Variants in KCNU1 observed in about 807,000 individuals in gnomAD.
The protein encoded by KCNU1 is potassium channel subfamily U member 1.
KCNU1 carries 93 observed loss-of-function variants against 126.8 expected under a neutral mutation model. The ratio of observed to expected loss-of-function variants is 0.73; its 90% CI spans 0.62 to 0.87. KCNU1 has a LOEUF of 0.87. Ranked by LOEUF, KCNU1 falls within the 40% of genes least tolerant of loss-of-function variation. The probability of loss-of-function intolerance (pLI) is 0.00; values close to 1 mark genes in which losing one functional copy is unlikely to be tolerated. For missense variants in KCNU1, 1,330 were observed against 1,367.1 expected, an observed-to-expected ratio of 0.97 and a Z score of 0.43; for synonymous variants, 523 against 494.2, an observed-to-expected ratio of 1.06 and a Z score of -0.77.
chr8:36,932,976 G>C lies in KCNU1; in HGVS notation c.2988G>C (p.Leu996=), dbSNP rs776443159. Residue 996 remains leucine, a synonymous_variant, in exon 26 of 27, where the codon CTG becomes CTC. Coordinates refer to ENST00000399881, the MANE Select transcript of KCNU1 (RefSeq NM_001031836.3). ...GCTCATTAGATCTTTTTGGAATCCT[G>C]TGTGTTGGCTTATACCGAATAATTG... ...FCGSLDLFGI[L]CVGLYRIIDE... 1 of 1,576,760 alleles carries C rather than the reference G, an allele frequency of 6.3e-7. No individual in the cohort carries two copies. The highest frequency in any genetic ancestry group is 8.6e-7 in the Non-Finnish European group (1 of 1,159,436).
chr8:36,858,967 C>A (rs1481861326), intron 18 of KCNU1, among the ~76,000 whole-genome samples: 1 of 152,144 alleles, frequency 6.6e-6, no homozygotes, highest in Non-Finnish European at 1.5e-5. Flanking sequence ...ACCAGTATTA[C>A]CAAGTCTATT....
chr8:36,827,938 G>A (rs868714907), intron 10 of KCNU1, among the ~76,000 whole-genome samples: 18 of 152,092 alleles, frequency 1.2e-4, no homozygotes, highest in African/African-American at 4.1e-4. Context: ...GGAGTACTTC[G>A]AGTAGAGGAA....
At chr8:36,881,796 TCA>T (rs10522369) in intron 19 of KCNU1, among the ~76,000 whole-genome samples, 8,223 of 138,718 alleles carry the variant, frequency 0.059, 347 homozygotes, top group African/African-American at 0.13. Flanking sequence ...AAAAGTCAAA[TCA>T]CACACACACA....
intron 18 of KCNU1, among the ~76,000 whole-genome samples, chr8:36,853,767 G>T (rs2117298681): frequency 6.6e-6 from 1 of 152,170 alleles, no homozygotes; most frequent in Non-Finnish European, 1.5e-5. Context: ...GTTAAGTATA[G>T]TTGGTTTATA....
In KCNU1 at chr8:36,802,108, C is replaced by CAAAAA. The variant is rs749026223; in HGVS notation, c.316-1899_316-1895dup. Among the ~76,000 whole-genome samples the CAAAAA allele has an allele frequency of 1.2e-4, 9 of 72,338 alleles. 1 individual carries two copies. Among genetic ancestry groups the CAAAAA allele is most frequent in the African/African-American group, 1.0e-4 (2 of 19,686 alleles). The allele number at this position is 72,338 out of a possible 152,430, so 47.5% of individuals were successfully genotyped here. A position where few individuals can be genotyped will look rare whatever the true frequency, so the allele number is the denominator to read the frequency against. On this transcript the variant is annotated intron_variant, in intron 2 of 26. Transcript: ENST00000399881. ...TGGGGAAAAGAGCGAAACTCCGTCT[C>CAAAAA]AAAAAAAAAAAAAAAAAAAAAAAAG... is the stretch of plus-strand genomic sequence containing the variant.
intron 10 of KCNU1, 26 bp from the exon 11 acceptor site, chr8:36,833,528 T>C: frequency 3.6e-6 from 5 of 1,399,080 alleles, no homozygotes; most frequent in Non-Finnish European, 5.1e-6. Flanking sequence ...TTTTCCCTCA[T>C]TGCTGCCACG....
chr8:36,854,117 G>A (rs1805446797), intron 18 of KCNU1, among the ~76,000 whole-genome samples: 1 of 152,110 alleles, frequency 6.6e-6, no homozygotes, highest in Admixed American at 6.6e-5. Flanking sequence ...TCTACACGAT[G>A]AGTCACTTCT....
intron 2 of KCNU1, among the ~76,000 whole-genome samples, chr8:36,794,343 A>G (rs574644497): frequency 2.6e-5 from 4 of 151,950 alleles, no homozygotes; most frequent in Admixed American, 2.0e-4. Flanking sequence ...GGAGATGTAT[A>G]TGTTTCATTA....
At position 36,935,639 on chromosome 8, in the gene KCNU1, GA is replaced by G; in HGVS notation, c.3172del (p.Ile1058LeufsTer2). The G allele has an allele frequency of 6.2e-7, 1 of 1,613,488 alleles. No individual in the cohort carries two copies. On this transcript the variant is annotated frameshift_variant, in exon 27 of 27. Coordinates refer to ENST00000399881, the MANE Select transcript of KCNU1 (RefSeq NM_001031836.3). LOFTEE classifies it low-confidence loss of function (END_TRUNC). The stretch of plus-strand genomic sequence containing the variant: ...AGAGTTCTCATTGCAAAAGTCATAT[GA>G]AATTGTAAATAAAGCATCACAGACA... ...NEEFSLQKSY[E>X]IVNKASQTTE...
At position 36,895,375 on chromosome 8, in the gene KCNU1, G is replaced by T. The variant is rs577639525; in HGVS notation, c.2010-10333G>T. Among the ~76,000 whole-genome samples the T allele has an allele frequency of 3.9e-5, 6 of 152,106 alleles. No individual in the cohort carries two copies. The East Asian group carries it at 1.2e-3, about 29-fold the overall frequency. On this transcript the variant is annotated intron_variant, in intron 19 of 26. Coordinates refer to ENST00000399881, the MANE Select transcript of KCNU1 (RefSeq NM_001031836.3). ...ATTGCAAGCATGAGCCACTGTACCT[G>T]GCCTTTTGTGTTATTTTAAAAACCT...
intron 19 of KCNU1, among the ~76,000 whole-genome samples, chr8:36,878,564 T>A (rs1280992446): frequency 6.6e-6 from 1 of 152,154 alleles, no homozygotes. Flanking sequence ...GTCAGCTTTC[T>A]GTGTTATATC....
chr8:36,919,044 C>A, intron 23 of KCNU1, 147 bp downstream of exon 23: 1 of 630,800 alleles, frequency 1.6e-6, no homozygotes. Context: ...GGATGTTACA[C>A]TGGGCTTTGA....
At chr8:36,836,759 C>T (rs761030999) in intron 13 of KCNU1, 34 bp from the exon 14 acceptor site, 6 of 1,605,108 alleles carry the variant, frequency 3.7e-6, no homozygotes, top group Non-Finnish European at 5.1e-6. Context: ...TGTGTTTATT[C>T]CTAATGTTTG....
At chr8:36,884,200 G>C (rs1407392758) in intron 19 of KCNU1, among the ~76,000 whole-genome samples, 1 of 152,136 alleles carries the variant, frequency 6.6e-6, no homozygotes, top group African/African-American at 2.4e-5. Context: ...GTTTTGCTGG[G>C]AACTTGTGCA....
At chr8:36,914,605 TG>T (rs1808025334) in intron 22 of KCNU1, among the ~76,000 whole-genome samples, 1 of 152,054 alleles carries the variant, frequency 6.6e-6, no homozygotes, top group African/African-American at 2.4e-5. Flanking sequence ...CGGGGGGTTT[TG>T]GGGGAGCAGC....
intron 19 of KCNU1, among the ~76,000 whole-genome samples, chr8:36,871,204 G>A (rs983178050): frequency 1.3e-5 from 2 of 152,030 alleles, no homozygotes; most frequent in African/African-American, 2.4e-5. Flanking sequence ...TAATCACAAT[G>A]AGCCTGAGTT....
intron 22 of KCNU1, among the ~76,000 whole-genome samples, chr8:36,917,825 C>T (rs761081529): frequency 6.6e-6 from 1 of 152,090 alleles, no homozygotes; most frequent in African/African-American, 2.4e-5. Context: ...GCCTTATCTC[C>T]GAAGACAGGA....
At chr8:36,889,996 A>G (rs1322301036) in intron 19 of KCNU1, among the ~76,000 whole-genome samples, 1 of 152,126 alleles carries the variant, frequency 6.6e-6, no homozygotes, top group Non-Finnish European at 1.5e-5. Flanking sequence ...CCATCAACCT[A>G]AAATCCTATT....
intron 18 of KCNU1, among the ~76,000 whole-genome samples, chr8:36,861,043 C>T (rs553857178): frequency 6.6e-6 from 1 of 152,126 alleles, no homozygotes; most frequent in South Asian, 2.1e-4. Context: ...AATGAATCTA[C>T]CAGCTCATCT....
Sources: allele counts gnomAD v4.1 joint callset (sites outside exome capture counted in the v4.1 genomes callset), GRCh38; gene constraint gnomAD v4.1.1; transcripts MANE v1.5; gene names NCBI Gene and HGNC (gene_info 2026-07-23, HGNC 2026-07-21).